CHODL: variants seen among roughly 807,000 people sequenced by gnomAD.
CHODL encodes transmembrane protein MT75.
A neutral mutation model predicts 34.5 loss-of-function variants in CHODL; 29 were observed. That is an observed-to-expected ratio of 0.84 (90% CI 0.63 to 1.15). CHODL has a LOEUF of 1.15. Among genes scored for constraint, CHODL ranks in the 50% most tolerant of loss-of-function variants. CHODL has a pLI of 0.00. For synonymous variants in CHODL, 125 were observed against 116.1 expected (o/e 1.08, Z -0.49); for missense variants, 332 against 332.5 (o/e 1.00, Z 0.01).
intron 1 of CHODL, among the ~76,000 whole-genome samples, chr21:17,945,725 T>G (rs567938378): frequency 2.0e-4 from 30 of 152,312 alleles, no homozygotes; most frequent in Admixed American, 2.0e-3. Flanking sequence ...CTAGGAAAGA[T>G]ACCAACACCC....
chr21:18,143,115 A>T (rs987572926), intron 2 of CHODL, among the ~76,000 whole-genome samples: 1 of 152,200 alleles, frequency 6.6e-6, no homozygotes, highest in Non-Finnish European at 1.5e-5. Context: ...GTTTTCCAGT[A>T]AATCCTAGAG....
intron 2 of CHODL, among the ~76,000 whole-genome samples, chr21:18,121,379 G>T (rs958617649): frequency 2.6e-5 from 4 of 152,196 alleles, no homozygotes; most frequent in Non-Finnish European, 5.9e-5. Context: ...TGGGCCGCAG[G>T]TTGGACAAGC....
At chr21:18,119,791 G>A (rs528792972) in intron 2 of CHODL, among the ~76,000 whole-genome samples, 1 of 152,016 alleles carries the variant, frequency 6.6e-6, no homozygotes, top group Non-Finnish European at 1.5e-5. Flanking sequence ...AGCATTGGAA[G>A]GAACCTCAAG....
At chr21:18,070,950 G>C (rs1361220865) in intron 2 of CHODL, among the ~76,000 whole-genome samples, 1 of 150,796 alleles carries the variant, frequency 6.6e-6, no homozygotes, top group Admixed American at 6.6e-5. Flanking sequence ...AGTAAGTCTT[G>C]TCAATATTTA....
chr21:18,045,167 C>A (rs2064426822), intron 2 of CHODL, among the ~76,000 whole-genome samples: 1 of 151,826 alleles, frequency 6.6e-6, no homozygotes. Flanking sequence ...AGTCAAAGTT[C>A]TAGAAAGAGA....
At chr21:18,099,904 A>C (rs1377336416) in intron 2 of CHODL, 1 of 152,126 alleles carries the variant, frequency 6.6e-6, no homozygotes, top group Non-Finnish European at 1.5e-5. Context: ...AATTTCATCG[A>C]AGCAGGATTA....
intron 2 of CHODL, among the ~76,000 whole-genome samples, chr21:18,135,110 ACTCT>A (rs930380717): frequency 4.6e-5 from 7 of 152,174 alleles, no homozygotes; most frequent in South Asian, 2.1e-4. Context: ...AGTAAATGGC[ACTCT>A]CTATCTCTCT....
chr21:17,961,411 G>A (rs555299293), intron 1 of CHODL, among the ~76,000 whole-genome samples: 1 of 152,344 alleles, frequency 6.6e-6, no homozygotes, highest in South Asian at 2.1e-4. Context: ...GGGACATCTT[G>A]CACTGCTGCT....
At chr21:17,961,394 G>A (rs2063531471) in intron 1 of CHODL, among the ~76,000 whole-genome samples, 1 of 152,196 alleles carries the variant, frequency 6.6e-6, no homozygotes, top group South Asian at 2.1e-4. Context: ...ATTAATCTCT[G>A]TTAGTAGGGA....
In CHODL at chr21:18,034,298, C is replaced by A. The variant is rs147564524; in HGVS notation, c.-45+6327C>A. 6.6e-3 allele frequency among the ~76,000 whole-genome samples: 1,011 copies of A among 152,092 alleles called. 12 individuals are homozygous for A. The highest frequency in any genetic ancestry group is 0.023 in the African/African-American group (949 of 41,528). Reference sequence around the variant, plus strand: ...CATAAGAGTTTCTCTTCTCTGTGCACCAGGTGACCTGAAATACATAGTAAT... The same window carrying A: ...CATAAGAGTTTCTCTTCTCTGTGCAACAGGTGACCTGAAATACATAGTAAT... On this transcript the variant is annotated intron_variant, in intron 2 of 6. Transcript: ENST00000400127.
chr21:18,249,157 G>T (rs34095315), intron 1 of CHODL, among the ~76,000 whole-genome samples: 1 of 136,220 alleles, frequency 7.3e-6, no homozygotes, highest in Non-Finnish European at 1.5e-5. Flanking sequence ...ATATAAAGGA[G>T]TCCAAGGTTA....
intron 1 of CHODL, among the ~76,000 whole-genome samples, chr21:17,947,657 T>TA (rs2063422413): frequency 6.6e-6 from 1 of 151,522 alleles, no homozygotes; most frequent in Non-Finnish European, 1.5e-5. Context: ...ATAAAAAATA[T>TA]AAAAACACAG....
At chr21:17,932,029 G>A (rs2063277548) in intron 1 of CHODL, among the ~76,000 whole-genome samples, 1 of 152,074 alleles carries the variant, frequency 6.6e-6, no homozygotes, top group Non-Finnish European at 1.5e-5. Context: ...CTACAGAGTG[G>A]GAGAAAATAT....
At chr21:17,983,109 G>A (rs1281197264) in intron 1 of CHODL, among the ~76,000 whole-genome samples, 1 of 152,134 alleles carries the variant, frequency 6.6e-6, no homozygotes, top group Non-Finnish European at 1.5e-5. Context: ...GTAGACTTAT[G>A]TAAATTTGTA....
At chr21:17,967,572 T>C (rs1411873750) in intron 1 of CHODL, among the ~76,000 whole-genome samples, 1 of 152,184 alleles carries the variant, frequency 6.6e-6, no homozygotes, top group Non-Finnish European at 1.5e-5. Flanking sequence ...TAGGTTCTAC[T>C]GTGGTCTTCA....
intron 1 of CHODL, among the ~76,000 whole-genome samples, chr21:17,927,134 GTATATATGTATATATGTA>G (rs1436669928): frequency 4.6e-4 from 49 of 107,670 alleles, no homozygotes; most frequent in South Asian, 4.2e-3. Context: ...GTATATATAT[GTATATATGTATATATGTA>G]TATATATGTA....
chr21:18,068,288 C>T (rs2064755407), intron 2 of CHODL, among the ~76,000 whole-genome samples: 1 of 151,938 alleles, frequency 6.6e-6, no homozygotes, highest in African/African-American at 2.4e-5. Flanking sequence ...CCTCCACCTC[C>T]CAGGTTCAAG....
intron 2 of CHODL, among the ~76,000 whole-genome samples, chr21:18,077,096 C>T (rs1177589901): frequency 6.6e-6 from 1 of 152,200 alleles, no homozygotes; most frequent in Non-Finnish European, 1.5e-5. Flanking sequence ...ATTCCCACCT[C>T]AGTGTGCATG....
At chr21:18,003,278 A>T (rs1325349585) in intron 1 of CHODL, among the ~76,000 whole-genome samples, 1 of 151,788 alleles carries the variant, frequency 6.6e-6, no homozygotes, top group Non-Finnish European at 1.5e-5. Context: ...GATGGATCAT[A>T]TATAGTGACA....
Sources: gnomAD v4.1 joint callset for allele counts (sites outside exome capture counted in the v4.1 genomes callset) on GRCh38, gnomAD v4.1.1 for gene constraint, MANE v1.5 for transcripts, NCBI Gene and HGNC (gene_info 2026-07-23, HGNC 2026-07-21) for gene names.